The following CERS6 variants were observed in gnomAD, a reference collection of about 807,000 sequenced individuals.
CERS6 encodes ceramide synthase 6.
A neutral mutation model predicts 56.8 loss-of-function variants in CERS6; 26 were observed. The ratio of observed to expected loss-of-function variants is 0.46; its 90% confidence interval spans 0.34 to 0.63. The LOEUF (loss-of-function observed/expected upper bound fraction) is 0.63. Ranked by LOEUF, CERS6 falls within the 30% of genes least tolerant of loss-of-function variation. The pLI is 0.01. For synonymous variants in CERS6, 164 were observed against 173.3 expected (o/e 0.95, Z 0.42); for missense variants, 415 against 467.5 (o/e 0.89, Z 1.04).
intron 4 of CERS6, among the ~76,000 whole-genome samples, chr2:168,670,165 G>A (rs564428938): frequency 4.6e-5 from 7 of 152,228 alleles, no homozygotes; most frequent in South Asian, 4.2e-4. Flanking sequence ...AATCACCATG[G>A]CTATCTTATA....
chr2:168,710,598 C>T (rs1687065999), intron 6 of CERS6, among the ~76,000 whole-genome samples: 1 of 152,176 alleles, frequency 6.6e-6, no homozygotes, highest in Non-Finnish European at 1.5e-5. Context: ...CACTATACTC[C>T]ACATGATGGA....
intron 4 of CERS6, among the ~76,000 whole-genome samples, chr2:168,631,287 T>A (rs1654883472): frequency 6.7e-6 from 1 of 149,332 alleles, no homozygotes. Context: ...TCTGATGCTT[T>A]GAAAGAAGTT....
At chr2:168,662,377 T>C (rs992703513) in intron 4 of CERS6, among the ~76,000 whole-genome samples, 1 of 151,798 alleles carries the variant, frequency 6.6e-6, no homozygotes, top group African/African-American at 2.4e-5. Context: ...AAAGGAAGAG[T>C]ATCACTGGTG....
chr2:168,645,112 A>ATATATATATATATAT (rs1421470329), intron 4 of CERS6, among the ~76,000 whole-genome samples: 7 of 47,734 alleles, frequency 1.5e-4, no homozygotes, highest in Admixed American at 2.8e-4. Flanking sequence ...AAAAAAAAAA[A>ATATATATATATATAT]AAAAATATAT....
At position 168,693,340 on chromosome 2, in the gene CERS6, A is replaced by C. The variant is rs16855701; in HGVS notation, c.517-1619A>C. ...GAGTGAGCATTGTCAACTGCAAAGC[A>C]CTCGTCGGACATAGTAATTATTATA... On this transcript the variant is annotated intron_variant, in intron 5 of 9. Transcript: ENST00000305747. 7.0e-3 allele frequency among the ~76,000 whole-genome samples: 1,065 copies of C among 152,230 alleles called. 13 individuals carry two copies. Among genetic ancestry groups the C allele is most frequent in the Middle Eastern group, 0.034 (10 of 294 alleles).
chr2:168,470,365 C>T (rs1452228012), intron 1 of CERS6, among the ~76,000 whole-genome samples: 1 of 152,052 alleles, frequency 6.6e-6, no homozygotes, highest in African/African-American at 2.4e-5. Flanking sequence ...TTCTCTGTCT[C>T]GCCCTAAGGG....
chr2:168,721,672 A>G (rs957149812), intron 8 of CERS6, among the ~76,000 whole-genome samples: 1 of 149,088 alleles, frequency 6.7e-6, no homozygotes, highest in African/African-American at 2.5e-5. Context: ...AGGCTGGGCT[A>G]CAGTGATGCC....
chr2:168,682,712 C>T (rs535237936), intron 4 of CERS6, among the ~76,000 whole-genome samples: 28 of 152,082 alleles, frequency 1.8e-4, no homozygotes, highest in Admixed American at 3.3e-4. Context: ...ATAAATGCTG[C>T]GGCATCCCTG....
intron 8 of CERS6, among the ~76,000 whole-genome samples, chr2:168,723,794 A>T (rs1458577916): frequency 6.6e-6 from 1 of 152,248 alleles, no homozygotes; most frequent in Non-Finnish European, 1.5e-5. Context: ...ACTTCATAAT[A>T]TGACCATCCT....
chr2:168,593,230 C>T (rs1490107007), intron 3 of CERS6, among the ~76,000 whole-genome samples: 1 of 152,152 alleles, frequency 6.6e-6, no homozygotes, highest in Non-Finnish European at 1.5e-5. Flanking sequence ...AATTTAATCA[C>T]ACCAGCAAAG....
chr2:168,641,599 A>T (rs576612054), intron 4 of CERS6, among the ~76,000 whole-genome samples: 1 of 152,252 alleles, frequency 6.6e-6, no homozygotes, highest in Admixed American at 6.5e-5. Context: ...GAACACCTAT[A>T]ATGTTAAGCC....
chr2:168,462,710 A>T (rs1042617912), intron 1 of CERS6, among the ~76,000 whole-genome samples: 4 of 150,848 alleles, frequency 2.7e-5, no homozygotes, highest in Admixed American at 6.6e-5. Context: ...CTAATTTTTA[A>T]TTTTTTTTTG....
intron 4 of CERS6, among the ~76,000 whole-genome samples, chr2:168,643,146 G>T (rs761776422): frequency 6.6e-6 from 1 of 152,172 alleles, no homozygotes; most frequent in Non-Finnish European, 1.5e-5. Flanking sequence ...TGTTTACTTT[G>T]TTCCTCCTAA....
At chr2:168,505,382 C>CAA (rs370477008) in intron 1 of CERS6, among the ~76,000 whole-genome samples, 7,405 of 94,866 alleles carry the variant, frequency 0.078, 359 homozygotes, top group Non-Finnish European at 0.098. Flanking sequence ...ACCCTGTTTC[C>CAA]AAAAAAAAAA....
At position 168,458,660 on chromosome 2, in the gene CERS6, G is replaced by A. The variant is rs371252842; in HGVS notation, c.170+2042G>A. Among the ~76,000 whole-genome samples the A allele has an allele frequency of 1.4e-3, 212 of 152,306 alleles. 2 individuals carry two copies. The highest frequency in any genetic ancestry group is 4.7e-3 in the African/African-American group (194 of 41,560). On this transcript the variant is annotated intron_variant, in intron 1 of 9. Coordinates refer to ENST00000305747, the MANE Select transcript of CERS6 (RefSeq NM_203463.3). ...TCAGGCCATTGATCTAAGTAGAAGA[G>A]ATTTAATGGCCTGTATGGAAAGTGA...
At chr2:168,624,731 A>G (rs1039204268) in intron 3 of CERS6, among the ~76,000 whole-genome samples, 3 of 152,210 alleles carry the variant, frequency 2.0e-5, no homozygotes, top group African/African-American at 7.2e-5. Context: ...TGTCACATAT[A>G]ATACGGAAAC....
chr2:168,512,635 A>C (rs560729800), intron 1 of CERS6, among the ~76,000 whole-genome samples: 1 of 151,508 alleles, frequency 6.6e-6, no homozygotes, highest in African/African-American at 2.4e-5. Context: ...TGAGAGTACC[A>C]ATTAATGATT....
chr2:168,770,278 T>A lies in CERS6; in HGVS notation c.*616T>A, dbSNP rs1459239645. The A allele has an allele frequency of 6.6e-6, 1 of 152,358 alleles. No individual in the cohort carries two copies. The highest frequency in any genetic ancestry group is 6.5e-5 in the Admixed American group (1 of 15,278). The allele number at this position is 152,358 out of a possible 1,614,324, so 9.4% of individuals were successfully genotyped here. A position where few individuals can be genotyped will look rare whatever the true frequency, so the allele number is the denominator to read the frequency against. On this transcript the variant is annotated 3_prime_UTR_variant, in exon 10 of 10. Transcript: ENST00000305747. ...GTTATTGGAGAACTTTTTTGAATGG[T>A]TTTGTATTAAATTGCTTTGAAATAG...
chr2:168,688,721 C>T lies in CERS6; in HGVS notation c.466-2313C>T, dbSNP rs1052742688. 9.9e-5 allele frequency among the ~76,000 whole-genome samples: 15 copies of T among 152,284 alleles called. 1 individual carries two copies. Among genetic ancestry groups the T allele is most frequent in the Admixed American group, 4.6e-4 (7 of 15,286 alleles). On this transcript the variant is annotated intron_variant, in intron 4 of 9. Transcript: ENST00000305747. ...TATTCCTAAATGATTGGCCAGAAAACTTGTGAGCTGAACTTGGGCCCTGGT... is the reference window on the plus strand; with the variant it reads ...TATTCCTAAATGATTGGCCAGAAAATTTGTGAGCTGAACTTGGGCCCTGGT...
Sources: allele counts gnomAD v4.1 joint callset (sites outside exome capture counted in the v4.1 genomes callset), GRCh38; gene constraint gnomAD v4.1.1; transcripts MANE v1.5; gene names NCBI Gene and HGNC (gene_info 2026-07-23, HGNC 2026-07-21).